Variants in ITPR2 observed in about 807,000 individuals in gnomAD.
The protein encoded by ITPR2 is inositol 1,4,5-trisphosphate receptor type 2.
Under a neutral mutation model 317.1 loss-of-function variants are expected in ITPR2, and 207 were observed. The ratio of observed to expected loss-of-function variants is 0.65; its 90% CI spans 0.58 to 0.73. ITPR2 has a LOEUF of 0.73. Ranked by LOEUF, ITPR2 falls within the 30% of genes least tolerant of loss-of-function variation. ITPR2 has a pLI of 0.00. For missense variants in ITPR2, 2,613 were observed against 3,284.0 expected (o/e 0.80, Z 4.99); for synonymous variants, 1,156 against 1,149.1 (o/e 1.01, Z -0.12).
chr12:26,445,561 A>G (rs1057499516), intron 45 of ITPR2, among the ~76,000 whole-genome samples: 4 of 152,124 alleles, frequency 2.6e-5, no homozygotes, highest in African/African-American at 9.7e-5. Context: ...CCAAGTGAAG[A>G]AATAATTTCA....
intron 36 of ITPR2, among the ~76,000 whole-genome samples, chr12:26,551,237 G>C (rs982472513): frequency 6.6e-5 from 10 of 152,162 alleles, no homozygotes; most frequent in African/African-American, 2.4e-4. Flanking sequence ...ACTTTCACTG[G>C]TTAATGGCTA....
At chr12:26,369,218 A>G (rs1282750442) in intron 55 of ITPR2, among the ~76,000 whole-genome samples, 1 of 152,214 alleles carries the variant, frequency 6.6e-6, no homozygotes, top group African/African-American at 2.4e-5. Flanking sequence ...GGTTTATTCT[A>G]TGTAGAGTAG....
At chr12:26,559,493 C>T (rs1250497305) in intron 35 of ITPR2, among the ~76,000 whole-genome samples, 1 of 152,172 alleles carries the variant, frequency 6.6e-6, no homozygotes, top group Non-Finnish European at 1.5e-5. Flanking sequence ...GCTGAATGAG[C>T]TTGCACGGGC....
chr12:26,807,481 A>G (rs1196463332), intron 1 of ITPR2, among the ~76,000 whole-genome samples: 2 of 152,214 alleles, frequency 1.3e-5, no homozygotes, highest in Non-Finnish European at 2.9e-5. Flanking sequence ...ATCAGAGGGT[A>G]GGTGAGAAGT....
intron 2 of ITPR2, among the ~76,000 whole-genome samples, chr12:26,735,673 CA>C (rs1351126553): frequency 2.6e-5 from 4 of 152,160 alleles, no homozygotes; most frequent in Admixed American, 2.6e-4. Flanking sequence ...TAAAAGTATT[CA>C]AAAGCCATAC....
intron 37 of ITPR2, 50 bp from the exon 38 acceptor site, chr12:26,495,310 G>A: frequency 2.0e-6 from 2 of 1,025,588 alleles, no homozygotes; most frequent in Admixed American, 2.1e-5. Flanking sequence ...TAATAAAAGT[G>A]AAAAATGTCA....
chr12:26,530,216 A>G (rs1943911933), intron 37 of ITPR2, among the ~76,000 whole-genome samples: 1 of 152,220 alleles, frequency 6.6e-6, no homozygotes, highest in East Asian at 1.9e-4. Flanking sequence ...TGATGTAGCA[A>G]GGGCCCCAAT....
intron 2 of ITPR2, among the ~76,000 whole-genome samples, chr12:26,761,717 A>C (rs1212187923): frequency 6.6e-6 from 1 of 152,242 alleles, no homozygotes; most frequent in African/African-American, 2.4e-5. Flanking sequence ...GGATCACTTT[A>C]GTCCGGGGAT....
chr12:26,355,922 G>A (rs1172639758), intron 55 of ITPR2, among the ~76,000 whole-genome samples: 3 of 152,166 alleles, frequency 2.0e-5, no homozygotes, highest in Non-Finnish European at 4.4e-5. Context: ...AAGAGACCTT[G>A]CATTCAGACT....
chr12:26,660,309 T>C (rs77886138), intron 15 of ITPR2, among the ~76,000 whole-genome samples: 2,196 of 152,320 alleles, frequency 0.014, 52 homozygotes, highest in African/African-American at 0.05. Flanking sequence ...AATCATGTTA[T>C]TGTTTGATCT....
At chr12:26,525,031 G>A (rs1280559658) in intron 37 of ITPR2, among the ~76,000 whole-genome samples, 3 of 152,218 alleles carry the variant, frequency 2.0e-5, no homozygotes, top group Non-Finnish European at 2.9e-5. Context: ...AGTGGAATAA[G>A]TCATTGGTGA....
rs867596204 is a variant in ITPR2 at position 26,508,759 on chromosome 12, C to T, written c.5074-13499G>A. On this transcript the variant is annotated intron_variant, in intron 37 of 56. Coordinates refer to ENST00000381340, the MANE Select transcript of ITPR2 (RefSeq NM_002223.4). The stretch of plus-strand genomic sequence containing the variant: ...GCTGACATTGTGATCTGAACAATAA[C>T]ACATGTTGGTGAGGATGTGGAGAAA... Among the ~76,000 whole-genome samples the T allele has an allele frequency of 4.6e-5, 7 of 152,304 alleles. No homozygotes were observed. The South Asian group carries it at 1.0e-3, about 23-fold the overall frequency.
chr12:26,483,800 C>A lies in ITPR2; in HGVS notation c.5910G>T (p.Leu1970=), dbSNP rs762371310. The change falls in exon 42 of 57, where the codon CTG becomes CTT. Residue 1970 remains leucine, a synonymous_variant. Transcript: ENST00000381340. ...DCICGSTTGG[L]GLLGLYINEK... is the part of the protein sequence containing the mutation. ...CATTGATGTAGAGACCCAACAGGCCCAGGCCACCGGTTGTACTTCCACAAA... is the reference window on the plus strand; with the variant it reads ...CATTGATGTAGAGACCCAACAGGCCAAGGCCACCGGTTGTACTTCCACAAA... 5.6e-6 allele frequency: 9 copies of A among 1,614,044 alleles called. No individual in the cohort carries two copies. Among genetic ancestry groups the A allele is most frequent in the Non-Finnish European group, 7.6e-6 (9 of 1,179,994 alleles).
intron 13 of ITPR2, among the ~76,000 whole-genome samples, chr12:26,676,085 G>C (rs1416259431): frequency 6.6e-6 from 1 of 152,308 alleles, no homozygotes; most frequent in East Asian, 1.9e-4. Context: ...TTGAACCCAG[G>C]AGGTGGAGAT....
At chr12:26,605,126 A>AAAAATATATATATATATAT (rs1555165395) in intron 26 of ITPR2, among the ~76,000 whole-genome samples, 1 of 136,310 alleles carries the variant, frequency 7.3e-6, no homozygotes. Flanking sequence ...AAAAAATAAA[A>AAAAATATATATATATATAT]ATATATATAT....
chr12:26,449,472 A>G (rs1046631070), intron 45 of ITPR2, among the ~76,000 whole-genome samples: 3 of 152,192 alleles, frequency 2.0e-5, no homozygotes, highest in African/African-American at 7.2e-5. Flanking sequence ...GATAGAGATG[A>G]GCAAGACTTA....
At chr12:26,715,878 C>T (rs374343915) in intron 6 of ITPR2, 43 bp from the exon 7 acceptor site, 54 of 1,299,386 alleles carry the variant, frequency 4.2e-5, no homozygotes, top group Non-Finnish European at 5.7e-5. Flanking sequence ...CTACAGATTC[C>T]ATTCTCTACC....
chr12:26,576,365 C>T (rs895338649), intron 34 of ITPR2, among the ~76,000 whole-genome samples: 1 of 152,138 alleles, frequency 6.6e-6, no homozygotes, highest in Non-Finnish European at 1.5e-5. Flanking sequence ...ATAAAAATTA[C>T]GTTCTCTTTC....
Position 26,561,775 on chromosome 12 carries a change from A to G in ITPR2, c.4808T>C (p.Ile1603Thr), listed in dbSNP as rs368867130. 6.4e-7 allele frequency: 1 copy of G among 1,572,600 alleles called. No homozygotes were observed. Among genetic ancestry groups the G allele is most frequent in the South Asian group, 1.2e-5 (1 of 80,866 alleles). The change falls in exon 35 of 57, where the codon ATT (isoleucine) becomes ACT (threonine). Residue 1603 changes from isoleucine to threonine, a missense_variant. By Grantham distance (89) the Ile-to-Thr change is moderately conservative. This residue lies in a region of ITPR2 where 926 missense variants were observed against 1,072.8 expected (regional missense o/e 0.86). Coordinates refer to ENST00000381340, the MANE Select transcript of ITPR2 (RefSeq NM_002223.4). ...GCTTTCATGTACCTGTAACTTTTCA[A>G]TAATATTTCTGTAATCCCAAGCAGG... Reference protein sequence around the residue: ...GGPAWDYRNIIEKLQDVVASL... With the variant: ...GGPAWDYRNITEKLQDVVASL...
Sources: allele counts gnomAD v4.1 joint callset (sites outside exome capture counted in the v4.1 genomes callset), GRCh38; gene constraint gnomAD v4.1.1; regional missense constraint gnomAD v4.1.1; transcripts MANE v1.5; gene names NCBI Gene and HGNC (gene_info 2026-07-23, HGNC 2026-07-21).